Variants in IFIT3 observed in about 807,000 individuals in gnomAD.
The protein encoded by IFIT3 is interferon-induced protein with tetratricopeptide repeats 3.
In IFIT3, 2 loss-of-function variants were observed where a neutral mutation model predicts 2.4. The ratio of observed to expected loss-of-function variants is 0.82; its 90% CI spans 0.34 to 2.60. The LOEUF is 2.60. Among genes scored for constraint, IFIT3 ranks in the 30% most tolerant of loss-of-function variants. IFIT3 has a pLI of 0.11. For synonymous variants in IFIT3, 203 were observed against 212.1 expected (o/e 0.96, Z 0.37); for missense variants, 481 against 562.4 (o/e 0.86, Z 1.46).
chr10:89,339,967 T>C lies in IFIT3; in HGVS notation c.1312T>C (p.Tyr438His). The change falls in exon 2 of 2, where the codon TAT becomes CAT. Residue 438 changes from tyrosine (Y) to histidine (H), a missense_variant. Transcript: ENST00000371818. ...AGATCTGCTGCAAGCAGCCAAATGT[T>C]ATGAGAAGGAACTGGGCCGCCTGCT... ...NGDLLQAAKC[Y>H]EKELGRLLRD... The C allele has an allele frequency of 1.9e-6, 3 of 1,614,198 alleles. No individual in the cohort carries two copies. The highest frequency in any genetic ancestry group is 2.5e-6 in the Non-Finnish European group (3 of 1,180,026).
At chr10:89,332,268 G>A (rs1162786741) in intron 1 of IFIT3, among the ~76,000 whole-genome samples, 1 of 152,248 alleles carries the variant, frequency 6.6e-6, no homozygotes, top group Non-Finnish European at 1.5e-5. Flanking sequence ...CACGTTACGT[G>A]AGTCAGTTTT....
At position 89,339,582 on chromosome 10, in the gene IFIT3, A is replaced by G; in HGVS notation, c.927A>G (p.Ala309=). The G allele has an allele frequency of 6.2e-7, 1 of 1,614,096 alleles. No individual in the cohort carries two copies. Among genetic ancestry groups the G allele is most frequent in the East Asian group, 2.2e-5 (1 of 44,890 alleles). ...GTGGAAATAAAGAGATGATTGAAGCACTAAAGCAATATGCTATGGACTATT... is the reference window on the plus strand; with the variant it reads ...GTGGAAATAAAGAGATGATTGAAGCGCTAAAGCAATATGCTATGGACTATT... The part of the protein sequence containing the change: ...EASGNKEMIE[A]LKQYAMDYSN... Residue 309 remains alanine, a synonymous_variant, in exon 2 of 2, where the codon GCA becomes GCG. Transcript: ENST00000371818.
intron 1 of IFIT3, among the ~76,000 whole-genome samples, chr10:89,331,612 C>G (rs1482111383): frequency 6.6e-6 from 1 of 152,154 alleles, no homozygotes; most frequent in Non-Finnish European, 1.5e-5. Flanking sequence ...ATAAGCCCAA[C>G]ACTTTGGGAG....
At position 89,334,610 on chromosome 10, in the gene IFIT3, G is replaced by A. The variant is rs1234758124; in HGVS notation, c.6-4051G>A. On this transcript the variant is annotated intron_variant, in intron 1 of 1. Coordinates refer to ENST00000371818, the MANE Select transcript of IFIT3 (RefSeq NM_001549.6). ...TTCCGGTTTCAAGCAATTCTGCCTC[G>A]GCTTCCCGAGTAGCTGGGATTACAG... Among the ~76,000 whole-genome samples the A allele has an allele frequency of 6.6e-5, 9 of 136,720 alleles. No individual in the cohort carries two copies. The South Asian group carries it at 9.7e-4, about 15-fold the overall frequency. 89.7% of individuals were successfully genotyped at this position (136,720 alleles called of 152,430 possible).
chr10:89,329,039 A>C (rs1332330), intron 1 of IFIT3, among the ~76,000 whole-genome samples: 1 of 151,946 alleles, frequency 6.6e-6, no homozygotes, highest in South Asian at 2.1e-4. Context: ...TTATATATTG[A>C]CCTCCTGGAG....
chr10:89,331,504 T>G (rs1021144825), intron 1 of IFIT3, among the ~76,000 whole-genome samples: 2 of 152,120 alleles, frequency 1.3e-5, no homozygotes, highest in African/African-American at 4.8e-5. Flanking sequence ...AACATACAGA[T>G]ATACAATTTG....
intron 1 of IFIT3, among the ~76,000 whole-genome samples, chr10:89,331,586 G>A (rs910742486): frequency 5.9e-5 from 9 of 152,132 alleles, no homozygotes; most frequent in Non-Finnish European, 1.0e-4. Context: ...ATGGCTGGCC[G>A]CAGTGGCTCA....
intron 1 of IFIT3, among the ~76,000 whole-genome samples, chr10:89,336,557 T>C (rs1272828181): frequency 6.6e-6 from 1 of 152,234 alleles, no homozygotes; most frequent in East Asian, 1.9e-4. Context: ...TGCTCGTCCA[T>C]GGTAAATTGC....
At chr10:89,333,343 G>A (rs1843678925) in intron 1 of IFIT3, among the ~76,000 whole-genome samples, 1 of 152,096 alleles carries the variant, frequency 6.6e-6, no homozygotes, top group African/African-American at 2.4e-5. Context: ...ACAGAAATAA[G>A]GTCCAGAAAC....
At chr10:89,334,478 C>CTTTTTTTTTTTTTTTTTTTTTTTTTTTT (rs578154457) in intron 1 of IFIT3, among the ~76,000 whole-genome samples, 4 of 25,314 alleles carry the variant, frequency 1.6e-4, no homozygotes, top group Non-Finnish European at 2.8e-4. Context: ...TTCTTTTATT[C>CTTTTTTTTTTTTTTTTTTTTTTTTTTTT]TTTTTTTTTT....
chr10:89,329,759 G>C (rs1843631789), intron 1 of IFIT3, among the ~76,000 whole-genome samples: 1 of 152,138 alleles, frequency 6.6e-6, no homozygotes. Context: ...GTGATCTGTA[G>C]TTAGTGGTTT....
At chr10:89,332,941 C>G (rs1843672506) in intron 1 of IFIT3, among the ~76,000 whole-genome samples, 1 of 152,150 alleles carries the variant, frequency 6.6e-6, no homozygotes, top group African/African-American at 2.4e-5. Context: ...AGGGAAGTTA[C>G]TGGAGGTTCT....
In IFIT3 at chr10:89,336,104, T is replaced by C. The variant is rs897252698; in HGVS notation, c.6-2557T>C. Among the ~76,000 whole-genome samples the C allele has an allele frequency of 5.0e-5, 7 of 139,988 alleles. No individual in the cohort carries two copies. The Admixed American group carries it at 5.4e-4, about 11-fold the overall frequency. 91.8% of individuals were successfully genotyped at this position (139,988 alleles called of 152,430 possible). On this transcript the variant is annotated intron_variant, in intron 1 of 1. Transcript: ENST00000371818. ...CACTCTGGGCAATATAGTGAGACCC[T>C]GTCTCTGCAAAAAAAGGAAGGAAGG...
intron 1 of IFIT3, among the ~76,000 whole-genome samples, chr10:89,333,817 G>C (rs75866340): frequency 6.6e-6 from 1 of 152,332 alleles, no homozygotes; most frequent in East Asian, 1.9e-4. Flanking sequence ...GAGATCCCCC[G>C]GGAGGTTGTA....
intron 1 of IFIT3, among the ~76,000 whole-genome samples, chr10:89,333,620 A>G (rs771540706): frequency 6.6e-6 from 1 of 152,236 alleles, no homozygotes; most frequent in Non-Finnish European, 1.5e-5. Flanking sequence ...GGATTGCTTG[A>G]GCCCAGGGGC....
chr10:89,339,159 C>T lies in IFIT3; in HGVS notation c.504C>T (p.Asn168=), dbSNP rs146881667. ...AGAAGGCTCTGGAAGAAAAGCCCAA[C>T]AACCCAGAATTCTCCTCTGGACTGG... ...CFEKALEEKP[N]NPEFSSGLAI... is the part of the protein sequence containing the mutation. The change falls in exon 2 of 2, where the codon AAC becomes AAT. Residue 168 remains asparagine (N), a synonymous_variant. Transcript: ENST00000371818. 53 of 1,614,004 alleles carry T rather than the reference C, an allele frequency of 3.3e-5. No individual in the cohort carries two copies. The highest frequency in any genetic ancestry group is 4.2e-5 in the Non-Finnish European group (50 of 1,179,992).
At chr10:89,333,222 C>A (rs566977205) in intron 1 of IFIT3, among the ~76,000 whole-genome samples, 63 of 152,302 alleles carry the variant, frequency 4.1e-4, no homozygotes, top group Non-Finnish European at 7.8e-4. Flanking sequence ...GAAGGTGTTG[C>A]TTGCAGTCTC....
chr10:89,338,650 T>C lies in IFIT3; in HGVS notation c.6-11T>C. The C allele has an allele frequency of 1.2e-6, 2 of 1,603,310 alleles. No individual in the cohort carries two copies. The highest frequency in any genetic ancestry group is 1.7e-6 in the Non-Finnish European group (2 of 1,173,904). On this transcript the variant is annotated splice_polypyrimidine_tract_variant and intron_variant, in intron 1 of 1. Transcript: ENST00000371818. Reference sequence around the variant, plus strand: ...TGTACATCACAGTGACCATGTTTATTTTCTCCACAGTGAGGTCACCAAGAA... The same window carrying C: ...TGTACATCACAGTGACCATGTTTATCTTCTCCACAGTGAGGTCACCAAGAA...
At position 89,339,669 on chromosome 10, in the gene IFIT3, C is replaced by G; in HGVS notation, c.1014C>G (p.Phe338Leu). The change falls in exon 2 of 2, where the codon TTC becomes TTG. Residue 338 changes from phenylalanine to leucine, a missense_variant. By Grantham distance (22) the Phe-to-Leu change is conservative. Transcript: ENST00000371818. ...PLNAYSDLAE[F>L]LETECYQTPF... Reference sequence around the variant, plus strand: ...ATGCATACTCCGATCTCGCTGAGTTCCTGGAGACGGAATGTTATCAGACAC... The same window carrying G: ...ATGCATACTCCGATCTCGCTGAGTTGCTGGAGACGGAATGTTATCAGACAC... 6.2e-7 allele frequency: 1 copy of G among 1,614,140 alleles called. No homozygotes were observed.
Sources: allele counts gnomAD v4.1 joint callset (sites outside exome capture counted in the v4.1 genomes callset), GRCh38; gene constraint gnomAD v4.1.1; transcripts MANE v1.5; gene names NCBI Gene and HGNC (gene_info 2026-07-23, HGNC 2026-07-21).